Variants in ZNF280B observed in about 807,000 individuals in gnomAD.
The protein encoded by ZNF280B is zinc finger protein 280B.
A neutral mutation model predicts 38.0 loss-of-function variants in ZNF280B; 16 were observed. That is an observed-to-expected ratio of 0.42 (90% CI 0.28 to 0.64). ZNF280B has a LOEUF of 0.64. ZNF280B is among the 30% of genes least tolerant of loss of function. The pLI, the probability that ZNF280B is intolerant of heterozygous loss-of-function variation, is 0.21. For synonymous variants in ZNF280B, 253 were observed against 230.6 expected (o/e 1.10, Z -0.88); for missense variants, 581 against 639.6 (o/e 0.91, Z 0.99).
At chr22:22,490,937 A>C (rs1224179407) in intron 3 of ZNF280B, among the ~76,000 whole-genome samples, 2 of 151,768 alleles carry the variant, frequency 1.3e-5, no homozygotes, top group Non-Finnish European at 2.9e-5. Context: ...ACCAACCTCT[A>C]ACCCACATTC....
rs1243323868 is a variant in ZNF280B, at chr22:22,488,980, T to C, written c.419A>G (p.Glu140Gly). The C allele has an allele frequency of 6.2e-7, 1 of 1,613,866 alleles. No homozygotes were observed. The highest frequency in any genetic ancestry group is 8.5e-7 in the Non-Finnish European group (1 of 1,179,958). The change falls in exon 4 of 4, where the codon GAA (glutamate) becomes GGA (glycine). Residue 140 changes from glutamate (E) to glycine (G), a missense_variant. By Grantham distance (98) the Glu-to-Gly change is moderately conservative. Coordinates refer to ENST00000626650, the MANE Select transcript of ZNF280B (RefSeq NM_080764.4). ...SPQVVPNNSS[E>G]LPSPLITFTD... ...GAATGTAATCAAAGGAGAAGGTAAT[T>C]CTGAAGAGTTATTAGGCACAACTTG...
At chr22:22,489,540 T>A in intron 3 of ZNF280B, 74 bp from the exon 4 acceptor site, 1 of 715,990 alleles carries the variant, frequency 1.4e-6, no homozygotes, top group Non-Finnish European at 2.2e-6. Context: ...AACATTGTTT[T>A]TATAAACCAC....
At chr22:22,501,408 T>C (rs1279734559) in intron 2 of ZNF280B, among the ~76,000 whole-genome samples, 1 of 150,976 alleles carries the variant, frequency 6.6e-6, no homozygotes, top group Non-Finnish European at 1.5e-5. Flanking sequence ...CTACTAAAAA[T>C]ACAAAAATTA....
At chr22:22,507,231 T>C (rs1159703800) in intron 2 of ZNF280B, among the ~76,000 whole-genome samples, 1 of 151,890 alleles carries the variant, frequency 6.6e-6, no homozygotes, top group African/African-American at 2.4e-5. Context: ...ACCTCATGAG[T>C]GACCTTGAGC....
rs753150189 is a variant in ZNF280B, at chr22:22,499,357, C to T, written c.-186-5177G>A. Among the ~76,000 whole-genome samples the T allele has an allele frequency of 2.8e-4, 43 of 151,768 alleles. 1 individual carries two copies. The highest frequency in any genetic ancestry group is 5.3e-4 in the Non-Finnish European group (36 of 67,980). ...TTGGCTGACCACAACCTCCGCCTCCCGGGTTCAAGCAATTCTCCTGCCTCT... is the reference window on the plus strand; with the variant it reads ...TTGGCTGACCACAACCTCCGCCTCCTGGGTTCAAGCAATTCTCCTGCCTCT... On this transcript the variant is annotated intron_variant, in intron 2 of 3. Coordinates refer to ENST00000626650, the MANE Select transcript of ZNF280B (RefSeq NM_080764.4).
chr22:22,484,720 A>C lies in ZNF280B; in HGVS notation c.*3047T>G, dbSNP rs1396820421. 1 of 152,298 alleles carries C rather than the reference A, an allele frequency of 6.6e-6. No homozygotes were observed. Among genetic ancestry groups the C allele is most frequent in the Non-Finnish European group, 1.5e-5 (1 of 68,014 alleles). 9.4% of individuals were successfully genotyped at this position (152,298 alleles called of 1,614,324 possible). On this transcript the variant is annotated 3_prime_UTR_variant, in exon 4 of 4. Coordinates refer to ENST00000626650, the MANE Select transcript of ZNF280B (RefSeq NM_080764.4). Reference sequence around the variant, plus strand: ...CACAGAAATTGACTCAAGCTAGCTCAATTCTAAGACAGAAGCAAAGCCCTT... The same window carrying C: ...CACAGAAATTGACTCAAGCTAGCTCCATTCTAAGACAGAAGCAAAGCCCTT...
intron 3 of ZNF280B, among the ~76,000 whole-genome samples, chr22:22,493,725 C>T (rs183514368): frequency 1.3e-5 from 2 of 151,974 alleles, no homozygotes; most frequent in Admixed American, 6.6e-5. Flanking sequence ...TGTACTAGAC[C>T]CTAAATTGTT....
chr22:22,491,028 T>C (rs1240769235), intron 3 of ZNF280B, among the ~76,000 whole-genome samples: 1 of 151,932 alleles, frequency 6.6e-6, no homozygotes, highest in African/African-American at 2.4e-5. Flanking sequence ...CTTGATTATT[T>C]TCTATTGTCC....
intron 2 of ZNF280B, among the ~76,000 whole-genome samples, chr22:22,495,457 G>A (rs2061675258): frequency 6.6e-6 from 1 of 151,984 alleles, no homozygotes; most frequent in Non-Finnish European, 1.5e-5. Flanking sequence ...GAGGAAGAAA[G>A]ATAGTAAGTA....
intron 2 of ZNF280B, among the ~76,000 whole-genome samples, chr22:22,498,989 C>T (rs902073392): frequency 1.3e-5 from 2 of 150,758 alleles, no homozygotes; most frequent in Admixed American, 6.6e-5. Flanking sequence ...TTAGTGGAGA[C>T]GGGGTTTCAC....
rs2061498800 is a variant in ZNF280B at position 22,486,179 on chromosome 22, G to GT, written c.*1587dup. On this transcript the variant is annotated 3_prime_UTR_variant, in exon 4 of 4. Coordinates refer to ENST00000626650, the MANE Select transcript of ZNF280B (RefSeq NM_080764.4). ...ACATTTAACAGAATAGCTGCAAGCT[G>GT]TAATACATTCATGTCCAAAGCAAGA... 6.6e-6 allele frequency: 1 copy of GT among 152,018 alleles called. No individual in the cohort carries two copies. Among genetic ancestry groups the GT allele is most frequent in the Non-Finnish European group, 1.5e-5 (1 of 68,020 alleles). The allele number at this position is 152,018 out of a possible 1,614,324, so 9.4% of individuals were successfully genotyped here.
intron 2 of ZNF280B, among the ~76,000 whole-genome samples, chr22:22,498,933 G>A (rs907756503): frequency 2.0e-5 from 3 of 151,222 alleles, no homozygotes; most frequent in Non-Finnish European, 2.9e-5. Flanking sequence ...GAGTAGCTGG[G>A]ACTACAGGAG....
intron 2 of ZNF280B, among the ~76,000 whole-genome samples, chr22:22,498,645 G>T (rs917058580): frequency 6.6e-6 from 1 of 151,522 alleles, no homozygotes; most frequent in Non-Finnish European, 1.5e-5. Context: ...GTTTTTAAAA[G>T]AATTAACACC....
At position 22,491,253 on chromosome 22, in the gene ZNF280B, T is replaced by C. The variant is rs377144854; in HGVS notation, c.-68-1787A>G. 4.6e-5 allele frequency among the ~76,000 whole-genome samples: 7 copies of C among 151,930 alleles called. No individual in the cohort carries two copies. The South Asian group carries it at 1.5e-3, about 32-fold the overall frequency. ...TTCCACATTTTCTATGAATTTACTCTGAGAACTTTATCCATTGGAAATTCC... is the reference window on the plus strand; with the variant it reads ...TTCCACATTTTCTATGAATTTACTCCGAGAACTTTATCCATTGGAAATTCC... On this transcript the variant is annotated intron_variant, in intron 3 of 3. Coordinates refer to ENST00000626650, the MANE Select transcript of ZNF280B (RefSeq NM_080764.4).
At chr22:22,496,975 G>A (rs964492968) in intron 2 of ZNF280B, among the ~76,000 whole-genome samples, 3 of 150,756 alleles carry the variant, frequency 2.0e-5, no homozygotes, top group Non-Finnish European at 1.5e-5. Flanking sequence ...ATGCTACCAC[G>A]CCCATCTAAT....
rs1278050159 is a variant in ZNF280B, at chr22:22,485,565, AT to A, written c.*2201del. On this transcript the variant is annotated 3_prime_UTR_variant, in exon 4 of 4. Coordinates refer to ENST00000626650, the MANE Select transcript of ZNF280B (RefSeq NM_080764.4). ...GAATCTATGGATCTAGAGTCAGAAA[AT>A]TTTCTAAAATGTAGATAATATACTC... 2 of 151,858 alleles carry A rather than the reference AT, an allele frequency of 1.3e-5. No individual in the cohort carries two copies. Among genetic ancestry groups the A allele is most frequent in the Non-Finnish European group, 2.9e-5 (2 of 68,012 alleles). 9.4% of individuals were successfully genotyped at this position (151,858 alleles called of 1,614,324 possible). A position where few individuals can be genotyped will look rare whatever the true frequency, so the allele number is the denominator to read the frequency against.
intron 2 of ZNF280B, among the ~76,000 whole-genome samples, chr22:22,504,926 A>C (rs1374562544): frequency 6.6e-6 from 1 of 152,008 alleles, no homozygotes; most frequent in Non-Finnish European, 1.5e-5. Flanking sequence ...TATAGCAGTG[A>C]TCCAAAGTCT....
chr22:22,488,459 T>C lies in ZNF280B; in HGVS notation c.940A>G (p.Lys314Glu). Reference sequence around the variant, plus strand: ...ATAAACTTAACATTTTTTAGAACTTTCACGCAGCTGAGGCATTTAAAGGTG... The same window carrying C: ...ATAAACTTAACATTTTTTAGAACTTCCACGCAGCTGAGGCATTTAAAGGTG... ...HTTFKCLSCV[K>E]VLKNVKFMNH... The change falls in exon 4 of 4, where the codon AAA becomes GAA. Residue 314 changes from lysine (K) to glutamate (E), a missense_variant. Coordinates refer to ENST00000626650, the MANE Select transcript of ZNF280B (RefSeq NM_080764.4). 6.2e-7 allele frequency: 1 copy of C among 1,613,920 alleles called. No individual in the cohort carries two copies. Among genetic ancestry groups the C allele is most frequent in the Non-Finnish European group, 8.5e-7 (1 of 1,179,982 alleles).
At chr22:22,491,125 C>A (rs960149466) in intron 3 of ZNF280B, among the ~76,000 whole-genome samples, 6 of 151,910 alleles carry the variant, frequency 3.9e-5, no homozygotes, top group Admixed American at 3.9e-4. Flanking sequence ...GTGTCTGGCA[C>A]AGGACAGGTG....
Sources: gnomAD v4.1 joint callset for allele counts (sites outside exome capture counted in the v4.1 genomes callset) on GRCh38, gnomAD v4.1.1 for gene constraint, MANE v1.5 for transcripts, NCBI Gene and HGNC (gene_info 2026-07-23, HGNC 2026-07-21) for gene names.